The following MRTFA variants were observed in gnomAD, a reference collection of about 807,000 sequenced individuals.
MRTFA encodes the protein myocardin-related transcription factor A.
MRTFA carries 20 observed loss-of-function variants against 83.5 expected under a neutral mutation model. That is an observed-to-expected ratio of 0.24 (90% CI 0.17 to 0.35). The LOEUF (loss-of-function observed/expected upper bound fraction) is 0.35. Ranked by LOEUF, MRTFA falls within the 10% of genes least tolerant of loss-of-function variation. The pLI, the probability that MRTFA is intolerant of heterozygous loss-of-function variation, is 1.00. For synonymous variants in MRTFA, 659 were observed against 541.2 expected (o/e 1.22, Z -3.02); for missense variants, 1,200 against 1,224.7 (o/e 0.98, Z 0.30).
At position 40,421,120 on chromosome 22, in the gene MRTFA, G is replaced by A. The variant is rs771802481; in HGVS notation, c.928-20C>T. 17 of 1,510,964 alleles carry A rather than the reference G, an allele frequency of 1.1e-5. No individual in the cohort carries two copies. The highest frequency in any genetic ancestry group is 1.4e-5 in the Non-Finnish European group (16 of 1,129,632). The allele number at this position is 1,510,964 out of a possible 1,614,324, so 93.6% of individuals were successfully genotyped here. A position where few individuals can be genotyped will look rare whatever the true frequency, so the allele number is the denominator to read the frequency against. ...GCTTTGCTGAGGGCACAGGAGACAG[G>A]GTGCCATTCAGGGGCAGCCTCAGGC... is the stretch of plus-strand genomic sequence containing the variant. On this transcript the variant is annotated intron_variant, in intron 9 of 14. Coordinates refer to ENST00000355630, the MANE Select transcript of MRTFA (RefSeq NM_020831.6).
intron 3 of MRTFA, among the ~76,000 whole-genome samples, chr22:40,520,093 T>C (rs1356765503): frequency 1.3e-5 from 2 of 152,186 alleles, no homozygotes; most frequent in African/African-American, 4.8e-5. Flanking sequence ...CCCTTTGTAT[T>C]CAATTTCTCC....
intron 3 of MRTFA, chr22:40,533,704 G>T: frequency 3.1e-6 from 3 of 970,380 alleles, no homozygotes; most frequent in Non-Finnish European, 4.0e-6. Flanking sequence ...GAGAAAAGCT[G>T]TCTTGAAAGC....
chr22:40,412,528 G>C (rs534257455), intron 14 of MRTFA: 1 of 152,216 alleles, frequency 6.6e-6, no homozygotes, highest in Non-Finnish European at 1.5e-5. Flanking sequence ...TTTGTACACA[G>C]GTGTTGATAA....
intron 3 of MRTFA, among the ~76,000 whole-genome samples, chr22:40,494,090 T>C (rs1228519272): frequency 2.0e-5 from 3 of 152,222 alleles, no homozygotes; most frequent in Non-Finnish European, 4.4e-5. Flanking sequence ...TCTATGCCTA[T>C]ATGGTTTATA....
chr22:40,514,847 T>C (rs183824490), intron 3 of MRTFA, among the ~76,000 whole-genome samples: 149 of 152,044 alleles, frequency 9.8e-4, no homozygotes, highest in African/African-American at 3.3e-3. Context: ...GGAGAAATAG[T>C]TGGGTTGAAG....
At chr22:40,452,521 A>G (rs1301681329) in intron 4 of MRTFA, among the ~76,000 whole-genome samples, 4 of 152,162 alleles carry the variant, frequency 2.6e-5, no homozygotes, top group Non-Finnish European at 4.4e-5. Context: ...ACAAGAACTC[A>G]TATCAAAAAG....
intron 4 of MRTFA, among the ~76,000 whole-genome samples, chr22:40,447,804 T>C (rs992648031): frequency 6.6e-6 from 1 of 152,192 alleles, no homozygotes; most frequent in Non-Finnish European, 1.5e-5. Flanking sequence ...CACATCCTAA[T>C]CAACTACAGA....
intron 3 of MRTFA, among the ~76,000 whole-genome samples, chr22:40,492,031 T>C (rs975779158): frequency 7.2e-5 from 11 of 152,102 alleles, no homozygotes; most frequent in East Asian, 3.9e-4. Flanking sequence ...TGCTGAGTAA[T>C]AGCTGTCCTT....
At chr22:40,489,339 TAATTTC>T (rs947533751) in intron 3 of MRTFA, among the ~76,000 whole-genome samples, 2 of 151,796 alleles carry the variant, frequency 1.3e-5, no homozygotes, top group African/African-American at 4.8e-5. Context: ...GTAGAAGACA[TAATTTC>T]AAATTTTTTT....
intron 1 of MRTFA, among the ~76,000 whole-genome samples, chr22:40,609,524 TGAAAAATGACTAACCAA>T (rs2056360666): frequency 6.9e-6 from 1 of 144,440 alleles, no homozygotes; most frequent in Non-Finnish European, 1.5e-5. Context: ...TTTTTGATAG[TGAAAAATGACTAACCAA>T]GATTTTAGGC....
Position 40,424,309 on chromosome 22 carries a change from G to A in MRTFA, c.674C>T (p.Pro225Leu). The change falls in exon 8 of 15, where the codon CCC becomes CTC. Residue 225 changes from proline (P) to leucine (L), a missense_variant. Coordinates refer to ENST00000355630, the MANE Select transcript of MRTFA (RefSeq NM_020831.6). ...GGACTCATGGCTGGCAGGCTGCTCG[G>A]GGGATAAGGCATCGCTGCTGTCCTC... 1 of 1,612,864 alleles carries A rather than the reference G, an allele frequency of 6.2e-7. No individual in the cohort carries two copies. The highest frequency in any genetic ancestry group is 8.5e-7 in the Non-Finnish European group (1 of 1,179,484).
intron 1 of MRTFA, among the ~76,000 whole-genome samples, chr22:40,599,659 G>A (rs2056234459): frequency 6.6e-6 from 1 of 152,152 alleles, no homozygotes; most frequent in Non-Finnish European, 1.5e-5. Flanking sequence ...CACTCTGGGA[G>A]AGGCAGAAGC....
intron 3 of MRTFA, among the ~76,000 whole-genome samples, chr22:40,531,748 T>C (rs1356428090): frequency 6.6e-6 from 1 of 152,216 alleles, no homozygotes; most frequent in African/African-American, 2.4e-5. Flanking sequence ...TGCTTTTTCA[T>C]TTCCTATCAT....
At chr22:40,420,087 AC>A (rs542590427) in intron 11 of MRTFA, among the ~76,000 whole-genome samples, 1 of 152,338 alleles carries the variant, frequency 6.6e-6, no homozygotes, top group South Asian at 2.1e-4. Flanking sequence ...ACCAATCCCC[AC>A]TTCTCACACT....
At chr22:40,564,704 G>A (rs1170405920) in intron 2 of MRTFA, among the ~76,000 whole-genome samples, 2 of 152,110 alleles carry the variant, frequency 1.3e-5, no homozygotes, top group East Asian at 1.9e-4. Context: ...CCAGGCTGGA[G>A]TGCAGTGGCG....
At chr22:40,630,605 T>C (rs1053431353) in intron 1 of MRTFA, among the ~76,000 whole-genome samples, 4 of 152,362 alleles carry the variant, frequency 2.6e-5, no homozygotes, top group Admixed American at 6.5e-5. Flanking sequence ...CTACTGCCTC[T>C]AAAGAGTTTA....
At chr22:40,508,237 C>A (rs1024840527) in intron 3 of MRTFA, among the ~76,000 whole-genome samples, 1 of 151,970 alleles carries the variant, frequency 6.6e-6, no homozygotes, top group Admixed American at 6.6e-5. Flanking sequence ...GTGCTGGGCA[C>A]AGTGGCTCAT....
chr22:40,606,864 A>G (rs2056324005), intron 1 of MRTFA, among the ~76,000 whole-genome samples: 1 of 152,226 alleles, frequency 6.6e-6, no homozygotes, highest in Admixed American at 6.5e-5. Context: ...TTCTGGGGCT[A>G]GCAGCAGTGA....
At chr22:40,633,109 T>C (rs544220794) in intron 1 of MRTFA, among the ~76,000 whole-genome samples, 4 of 152,230 alleles carry the variant, frequency 2.6e-5, no homozygotes, top group Non-Finnish European at 5.9e-5. Context: ...GTTTTCTCTT[T>C]TCTCTTTCAA....
Sources: gnomAD v4.1 joint callset for allele counts (sites outside exome capture counted in the v4.1 genomes callset) on GRCh38, gnomAD v4.1.1 for gene constraint, MANE v1.5 for transcripts, NCBI Gene and HGNC (gene_info 2026-07-23, HGNC 2026-07-21) for gene names.